The following SDK1 variants were observed in gnomAD, a reference collection of about 807,000 sequenced individuals.
The protein encoded by SDK1 is protein sidekick-1.
In SDK1, 157 loss-of-function variants were observed where a neutral mutation model predicts 245.5. The observed-to-expected ratio is 0.64, with a 90% CI of 0.56 to 0.73. The LOEUF (loss-of-function observed/expected upper bound fraction) is 0.73, where lower values mean the gene tolerates loss of function less well. Among genes scored for constraint, SDK1 ranks in the 30% least tolerant of loss-of-function variants. The pLI is 0.00. For missense variants in SDK1, 3,583 were observed against 3,002.3 expected, an observed-to-expected ratio of 1.19 and a Z score of -4.52; for synonymous variants, 1,647 against 1,278.5, an observed-to-expected ratio of 1.29 and a Z score of -6.15.
intron 28 of SDK1, 102 bp from the exon 29 acceptor site, chr7:4,145,620 G>A (rs1254043665): frequency 9.9e-7 from 1 of 1,008,374 alleles, no homozygotes; most frequent in Non-Finnish European, 1.5e-6. Context: ...ACGGGGAAGA[G>A]ACAGATGGCC....
chr7:3,906,053 A>G (rs189641622), intron 5 of SDK1, among the ~76,000 whole-genome samples: 2 of 151,978 alleles, frequency 1.3e-5, no homozygotes, highest in Admixed American at 6.6e-5. Flanking sequence ...CTTCCCATTC[A>G]TCGTTTCTGT....
chr7:3,301,546 C>G lies in SDK1; in HGVS notation c.-41C>G, dbSNP rs1026291604. 1.4e-6 allele frequency: 1 copy of G among 740,706 alleles called. No individual in the cohort carries two copies. Among genetic ancestry groups the G allele is most frequent in the Non-Finnish European group, 1.6e-6 (1 of 610,364 alleles). The allele number at this position is 740,706 out of a possible 1,614,324, so 45.9% of individuals were successfully genotyped here. A position where few individuals can be genotyped will look rare whatever the true frequency, so the allele number is the denominator to read the frequency against. ...GAGCCGTCCCGCCTGTCCTGCCCGCCCGTCCGTCCGGCGCGGCGCTCGGGG... is the reference window on the plus strand; with the variant it reads ...GAGCCGTCCCGCCTGTCCTGCCCGCGCGTCCGTCCGGCGCGGCGCTCGGGG... On this transcript the variant is annotated 5_prime_UTR_variant, in exon 1 of 45. Transcript: ENST00000404826.
intron 30 of SDK1, 113 bp downstream of exon 30, chr7:4,149,576 G>A (rs1416316568): frequency 1.1e-5 from 7 of 631,380 alleles, no homozygotes; most frequent in Non-Finnish European, 1.7e-5. Flanking sequence ...ACCCCTGAGA[G>A]CACAGGCCCC....
chr7:3,750,342 G>A lies in SDK1; in HGVS notation c.714-71108G>A, dbSNP rs6972188. Among the ~76,000 whole-genome samples, 602 of 152,326 alleles carry A rather than the reference G, an allele frequency of 4.0e-3. 6 individuals are homozygous for A. The highest frequency in any genetic ancestry group is 0.014 in the African/African-American group (582 of 41,568). On this transcript the variant is annotated intron_variant, in intron 4 of 44. Transcript: ENST00000404826. ...ATTTAATTTCGAAGTCTACTATCCT[G>A]TGCTCAATCCACAAGCAGGTAAAGA... is the stretch of plus-strand genomic sequence containing the variant.
chr7:3,767,203 G>A (rs1197485138), intron 4 of SDK1, among the ~76,000 whole-genome samples: 2 of 152,126 alleles, frequency 1.3e-5, no homozygotes, highest in East Asian at 1.9e-4. Context: ...ACTATGGAGG[G>A]AGGGGTGGGC....
At chr7:3,430,617 C>T (rs915846889) in intron 1 of SDK1, among the ~76,000 whole-genome samples, 7 of 152,226 alleles carry the variant, frequency 4.6e-5, no homozygotes, top group African/African-American at 1.4e-4. Context: ...GACTTTCCAT[C>T]CCCTCAGTTT....
At chr7:3,476,657 T>C (rs915316097) in intron 1 of SDK1, among the ~76,000 whole-genome samples, 4 of 152,226 alleles carry the variant, frequency 2.6e-5, no homozygotes, top group Non-Finnish European at 5.9e-5. Flanking sequence ...TTTAGTATTT[T>C]TATATAGTTA....
rs1296551198 is a variant in SDK1, at chr7:3,987,614, C to T, written c.2131+292C>T. On this transcript the variant is annotated intron_variant, in intron 14 of 44. Transcript: ENST00000404826. ...GCCCCGCACAGTGTCACTCCCAGGG[C>T]GAGCTGGAAATGGGTTAACAATGCC... is the stretch of plus-strand genomic sequence containing the variant. Among the ~76,000 whole-genome samples the T allele has an allele frequency of 3.4e-4, 52 of 152,222 alleles. 2 individuals are homozygous for T. Among genetic ancestry groups the T allele is most frequent in the Non-Finnish European group, 1.2e-4 (8 of 68,010 alleles).
intron 32 of SDK1, among the ~76,000 whole-genome samples, chr7:4,169,552 C>T (rs964607132): frequency 7.9e-5 from 12 of 152,310 alleles, no homozygotes; most frequent in African/African-American, 2.9e-4. Context: ...GTGAGCTCGC[C>T]GTCTCTGAGG....
chr7:4,239,447 A>G (rs1021338650), intron 42 of SDK1, among the ~76,000 whole-genome samples: 1 of 152,264 alleles, frequency 6.6e-6, no homozygotes, highest in Non-Finnish European at 1.5e-5. Context: ...GCATTTGATT[A>G]TCGTCAATTT....
intron 4 of SDK1, among the ~76,000 whole-genome samples, chr7:3,780,301 C>G (rs966906784): frequency 1.3e-5 from 2 of 152,168 alleles, no homozygotes; most frequent in Admixed American, 6.5e-5. Flanking sequence ...GCTAACGTTC[C>G]AGGATGCTTC....
At chr7:4,184,125 C>T (rs1374524668) in intron 35 of SDK1, among the ~76,000 whole-genome samples, 12 of 152,208 alleles carry the variant, frequency 7.9e-5, no homozygotes, top group Non-Finnish European at 1.2e-4. Context: ...GCACTGCTAA[C>T]GTATTGACTT....
intron 1 of SDK1, among the ~76,000 whole-genome samples, chr7:3,556,356 C>G (rs1025864456): frequency 3.3e-5 from 5 of 152,054 alleles, no homozygotes; most frequent in African/African-American, 4.8e-5. Flanking sequence ...AAAAGTAAAA[C>G]AATTGAACTC....
intron 1 of SDK1, among the ~76,000 whole-genome samples, chr7:3,553,071 A>G (rs1779466432): frequency 6.6e-6 from 1 of 152,008 alleles, no homozygotes; most frequent in African/African-American, 2.4e-5. Context: ...TCATCCTACC[A>G]TCTAGTATAA....
At chr7:4,243,559 T>G (rs1435669704) in intron 43 of SDK1, among the ~76,000 whole-genome samples, 1 of 152,196 alleles carries the variant, frequency 6.6e-6, no homozygotes, top group Non-Finnish European at 1.5e-5. Flanking sequence ...AGTCACGTCT[T>G]ACGTGGTGGC....
chr7:4,257,024 T>C (rs988390340), intron 44 of SDK1, among the ~76,000 whole-genome samples: 4 of 152,218 alleles, frequency 2.6e-5, no homozygotes, highest in Non-Finnish European at 5.9e-5. Context: ...TTTTTCTGTT[T>C]AGAAACAAGA....
rs771128574 is a variant in SDK1, at chr7:3,974,448, C to G, written c.1897C>G (p.Leu633Val). 4.3e-6 allele frequency: 7 copies of G among 1,614,036 alleles called. No individual in the cohort carries two copies. Among genetic ancestry groups the G allele is most frequent in the African/African-American group, 1.3e-5 (1 of 74,916 alleles). ...RIVVEKDGSL[L>V]ISQTWSGDIG... ...CGTGGTGGAGAAGGACGGGTCCCTT[C>G]TCATCAGCCAGACGTGGTCAGGCGA... The change falls in exon 13 of 45, where the codon CTC becomes GTC. Residue 633 changes from leucine to valine, a missense_variant. Physicochemically the swap from Leu to Val is conservative, Grantham distance 32 (BLOSUM62 1). Coordinates refer to ENST00000404826, the MANE Select transcript of SDK1 (RefSeq NM_152744.4).
Position 4,268,696 on chromosome 7 carries a change from G to A in SDK1, c.*3312G>A, listed in dbSNP as rs766646375. 42 of 1,367,652 alleles carry A rather than the reference G, an allele frequency of 3.1e-5. No homozygotes were observed. The highest frequency in any genetic ancestry group is 9.1e-5 in the East Asian group (2 of 21,982). The allele number at this position is 1,367,652 out of a possible 1,614,324, so 84.7% of individuals were successfully genotyped here. ...CACACAGTGTAGCTATCCTCCTGAC[G>A]AGCAACCCGTCTGCGTACCTAAGTG... On this transcript the variant is annotated 3_prime_UTR_variant, in exon 45 of 45. Transcript: ENST00000404826.
At chr7:4,226,884 G>A (rs1785478289) in intron 40 of SDK1, among the ~76,000 whole-genome samples, 2 of 151,872 alleles carry the variant, frequency 1.3e-5, no homozygotes, top group Admixed American at 6.6e-5. Flanking sequence ...CTCCAAAGCA[G>A]CCATGAAATA....
Sources: allele counts gnomAD v4.1 joint callset (sites outside exome capture counted in the v4.1 genomes callset), GRCh38; gene constraint gnomAD v4.1.1; transcripts MANE v1.5; gene names NCBI Gene and HGNC (gene_info 2026-07-23, HGNC 2026-07-21).